The following SPATA7 variants were observed in gnomAD, a reference collection of about 807,000 sequenced individuals.
The protein encoded by SPATA7 is spermatogenesis associated 7.
Under a neutral mutation model 51.8 loss-of-function variants are expected in SPATA7, and 43 were observed. The ratio of observed to expected loss-of-function variants is 0.83; its 90% CI spans 0.65 to 1.07. SPATA7 has a LOEUF of 1.07. Ranked by LOEUF, SPATA7 falls within the 50% of genes least tolerant of loss-of-function variation. The pLI is 0.00. For missense variants in SPATA7, 683 were observed against 701.3 expected (o/e 0.97, Z 0.30); for synonymous variants, 230 against 252.8 (o/e 0.91, Z 0.86).
At chr14:88,442,110 G>A (rs1273651037), downstream of SPATA7, among the ~76,000 whole-genome samples, 3 of 152,136 alleles carry the variant, frequency 2.0e-5, no homozygotes, top group African/African-American at 7.2e-5. Flanking sequence ...TTGACAGTCA[G>A]CTGACTGCAA....
downstream of SPATA7, among the ~76,000 whole-genome samples, chr14:88,440,539 C>T (rs544404906): frequency 6.6e-6 from 1 of 152,120 alleles, no homozygotes; most frequent in Non-Finnish European, 1.5e-5. Flanking sequence ...CTTTTTTTAT[C>T]CCTAAGACAT....
downstream of SPATA7, among the ~76,000 whole-genome samples, chr14:88,441,870 T>G (rs1377404091): frequency 6.6e-6 from 1 of 152,192 alleles, no homozygotes; most frequent in East Asian, 1.9e-4. Context: ...TTATCTCTGT[T>G]TTTGATGCAT....
chr14:88,463,074 T>A (rs1346194832), intron 4 of SPATA7, among the ~76,000 whole-genome samples: 1 of 152,208 alleles, frequency 6.6e-6, no homozygotes, highest in Non-Finnish European at 1.5e-5. Context: ...TTAATTTTAC[T>A]TGTATGTGAC....
At chr14:88,431,076 A>G (rs1050700103) in intron 8 of SPATA7, 96 bp from the exon 9 acceptor site, 2 of 1,083,658 alleles carry the variant, frequency 1.8e-6, no homozygotes, top group Non-Finnish European at 1.4e-6. Context: ...CATCTAAGAT[A>G]AGGGCTATTC....
chr14:88,408,773 A>G (rs924222888), intron 4 of SPATA7, among the ~76,000 whole-genome samples: 1 of 152,180 alleles, frequency 6.6e-6, no homozygotes, highest in African/African-American at 2.4e-5. Flanking sequence ...TTATTTTGAG[A>G]TACATTCTAT....
chr14:88,390,608 A>G (rs777225839), intron 1 of SPATA7, among the ~76,000 whole-genome samples: 1 of 152,142 alleles, frequency 6.6e-6, no homozygotes, highest in Admixed American at 6.5e-5. Flanking sequence ...TTTTATGCCT[A>G]ACCCTGACAG....
downstream of SPATA7, among the ~76,000 whole-genome samples, chr14:88,442,684 G>A (rs1051390603): frequency 2.6e-5 from 4 of 152,020 alleles, no homozygotes; most frequent in Non-Finnish European, 5.9e-5. Flanking sequence ...TGTTGGATTC[G>A]GTTAGCTAGG....
At chr14:88,400,863 A>T (rs576507485) in intron 4 of SPATA7, among the ~76,000 whole-genome samples, 1 of 152,220 alleles carries the variant, frequency 6.6e-6, no homozygotes, top group South Asian at 2.1e-4. Flanking sequence ...ATTAAAAAAA[A>T]CTTCCCAACA....
intron 4 of SPATA7, chr14:88,467,966 C>G (rs1166113741): frequency 1.1e-6 from 1 of 878,844 alleles, no homozygotes; most frequent in East Asian, 2.5e-5. Context: ...CCCTCTTCAG[C>G]CTGTGCTTCG....
chr14:88,442,964 T>TA (rs1160637293), downstream of SPATA7, among the ~76,000 whole-genome samples: 24 of 145,110 alleles, frequency 1.7e-4, no homozygotes, highest in African/African-American at 5.4e-4. Flanking sequence ...TTTTTTGAGA[T>TA]AGAGTCTCGC....
chr14:88,424,836 G>T (rs1051558385), intron 5 of SPATA7, among the ~76,000 whole-genome samples: 3 of 152,132 alleles, frequency 2.0e-5, no homozygotes, highest in African/African-American at 7.2e-5. Flanking sequence ...TTATAAAACA[G>T]TTGGAAAGGA....
downstream of SPATA7, among the ~76,000 whole-genome samples, chr14:88,440,718 G>A (rs1232928029): frequency 6.6e-6 from 1 of 152,064 alleles, no homozygotes; most frequent in African/African-American, 2.4e-5. Context: ...GAGCCTGTGT[G>A]TGTTTTCTCA....
At chr14:88,417,918 A>AC (rs2076530449) in intron 5 of SPATA7, among the ~76,000 whole-genome samples, 1 of 152,162 alleles carries the variant, frequency 6.6e-6, no homozygotes, top group African/African-American at 2.4e-5. Flanking sequence ...GTGGAACTCA[A>AC]CATTAAAATT....
chr14:88,441,934 G>T (rs2077181105), downstream of SPATA7, among the ~76,000 whole-genome samples: 1 of 152,072 alleles, frequency 6.6e-6, no homozygotes, highest in South Asian at 2.1e-4. Flanking sequence ...GTCTAGAAAG[G>T]CTTTTCTGAT....
At position 88,416,566 on chromosome 14, in the gene SPATA7, CTCTT is replaced by C. The variant is rs569509558; in HGVS notation, c.239-143_239-140del. On this transcript the variant is annotated intron_variant, in intron 4 of 11. Transcript: ENST00000393545. The stretch of plus-strand genomic sequence containing the variant: ...AATAATTTTTAAAATGTGTTAGTAA[CTCTT>C]TATATAGGAAAATAAATGGATTTTT... 218 of 737,186 alleles carry C rather than the reference CTCTT, an allele frequency of 3.0e-4. 5 individuals are homozygous for C. In the South Asian group the frequency reaches 3.1e-3, roughly 10 times the overall value. The allele number at this position is 737,186 out of a possible 1,614,324, so 45.7% of individuals were successfully genotyped here. A position where few individuals can be genotyped will look rare whatever the true frequency, so the allele number is the denominator to read the frequency against.
intron 3 of SPATA7, among the ~76,000 whole-genome samples, chr14:88,447,958 G>A (rs2140045036): frequency 6.6e-6 from 1 of 151,254 alleles, no homozygotes; most frequent in East Asian, 1.9e-4. Flanking sequence ...TGACAATTAT[G>A]TGTCTTGGAG....
chr14:88,468,911 A>G (rs1566803733), intron 4 of SPATA7: 3 of 1,614,040 alleles, frequency 1.9e-6, no homozygotes, highest in East Asian at 2.2e-5. Context: ...CATAAGCGCC[A>G]TCACCTCATT....
At chr14:88,466,855 G>A (rs188350515) in intron 4 of SPATA7, 2 of 152,300 alleles carry the variant, frequency 1.3e-5, no homozygotes, top group East Asian at 3.9e-4. Context: ...GGGAGAAGAG[G>A]TGAAAACTAT....
At chr14:88,457,985 C>G (rs1444065772), downstream of SPATA7, among the ~76,000 whole-genome samples, 1 of 152,088 alleles carries the variant, frequency 6.6e-6, no homozygotes, top group Admixed American at 6.5e-5. Flanking sequence ...TTGAGATAAT[C>G]ATGTGGTTTT....
Sources: allele counts gnomAD v4.1 joint callset (sites outside exome capture counted in the v4.1 genomes callset), GRCh38; gene constraint gnomAD v4.1.1; transcripts MANE v1.5; gene names NCBI Gene and HGNC (gene_info 2026-07-23, HGNC 2026-07-21).